TXNL4A: variants seen among roughly 807,000 people sequenced by gnomAD.
TXNL4A encodes the protein thioredoxin like 4A.
Under a neutral mutation model 14.6 loss-of-function variants are expected in TXNL4A, and 17 were observed. The ratio of observed to expected loss-of-function variants is 1.16; its 90% CI spans 0.80 to 1.74. The LOEUF (loss-of-function observed/expected upper bound fraction) is 1.74, where lower values mean the gene tolerates loss of function less well. TXNL4A is among the 40% of genes most tolerant of loss of function. The pLI is 0.00. For synonymous variants in TXNL4A, 83 were observed against 70.6 expected (o/e 1.18, Z -0.88); for missense variants, 74 against 195.2 (o/e 0.38, Z 3.70).
chr18:80,028,259 C>T, intron 1 of TXNL4A, among the ~76,000 whole-genome samples: 1 of 149,258 alleles, frequency 6.7e-6, no homozygotes, highest in Non-Finnish European at 1.5e-5. Context: ...CATGGCCCTT[C>T]TGTACAAGTC....
At chr18:79,995,613 T>C (rs895597783) in intron 1 of TXNL4A, among the ~76,000 whole-genome samples, 5 of 152,188 alleles carry the variant, frequency 3.3e-5, no homozygotes, top group African/African-American at 4.8e-5. Flanking sequence ...ACATGATAAA[T>C]TGGGCCACAG....
At chr18:80,012,921 C>CA (rs2051780090) in intron 1 of TXNL4A, among the ~76,000 whole-genome samples, 1 of 151,964 alleles carries the variant, frequency 6.6e-6, no homozygotes, top group Admixed American at 6.5e-5. Context: ...CGGCCGCCCC[C>CA]TCGCCCGTCA....
At chr18:80,031,916 T>C (rs996948773) in intron 1 of TXNL4A, among the ~76,000 whole-genome samples, 1 of 152,260 alleles carries the variant, frequency 6.6e-6, no homozygotes, top group Non-Finnish European at 1.5e-5. Flanking sequence ...CTAGTGCTTA[T>C]AATAAGAACA....
At chr18:80,031,255 G>T (rs141656788) in intron 1 of TXNL4A, among the ~76,000 whole-genome samples, 144 of 152,290 alleles carry the variant, frequency 9.5e-4, no homozygotes, top group African/African-American at 3.4e-3. Context: ...AGATATATGG[G>T]GTGGACACCT....
At chr18:80,004,125 T>C (rs1477517260) in intron 1 of TXNL4A, among the ~76,000 whole-genome samples, 7 of 68,498 alleles carry the variant, frequency 1.0e-4, no homozygotes, top group Non-Finnish European at 1.8e-4. Flanking sequence ...CACCATAAGC[T>C]ACTTAAAAAA....
chr18:80,008,140 T>C (rs997361419), intron 1 of TXNL4A, among the ~76,000 whole-genome samples: 22 of 152,030 alleles, frequency 1.4e-4, no homozygotes, highest in African/African-American at 5.1e-4. Flanking sequence ...AGATGGAGTC[T>C]TAAAAAAAAA....
Position 79,982,831 on chromosome 18 carries a change from C to T in TXNL4A, c.154-5130G>A, listed in dbSNP as rs999793723. ...CCACCCCATTTTCTTGGTGAAATGG[C>T]ATCTGTGGGGTGACTGGAGGAGCAT... On this transcript the variant is annotated intron_variant, in intron 1 of 2. Coordinates refer to ENST00000269601, the MANE Select transcript of TXNL4A (RefSeq NM_006701.5). The surrounding 1 kb of genome is among the most constrained non-coding windows in gnomAD (Gnocchi z 4.0). Among the ~76,000 whole-genome samples the T allele has an allele frequency of 4.6e-5, 7 of 152,010 alleles. No individual in the cohort carries two copies. The highest frequency in any genetic ancestry group is 1.7e-4 in the African/African-American group (7 of 41,378).
At chr18:79,989,837 A>T (rs186848224), upstream of TXNL4A, among the ~76,000 whole-genome samples, 274 of 152,328 alleles carry the variant, frequency 1.8e-3, 3 homozygotes, top group Admixed American at 0.016. Flanking sequence ...TCTACTAAAA[A>T]TACAAAAAAT....
intron 1 of TXNL4A, among the ~76,000 whole-genome samples, chr18:79,984,104 G>C (rs1369091680): frequency 6.6e-6 from 1 of 151,982 alleles, no homozygotes; most frequent in East Asian, 1.9e-4. Context: ...TTTTTCCAGA[G>C]ACAAAAATCC....
In TXNL4A at chr18:79,977,973, G is replaced by A. The variant is rs762371051; in HGVS notation, c.154-272C>T. The A allele has an allele frequency of 1.6e-4, 62 of 390,256 alleles. No individual in the cohort carries two copies. The Middle Eastern group carries it at 3.5e-3, about 22-fold the overall frequency. 24.2% of individuals were successfully genotyped at this position (390,256 alleles called of 1,614,324 possible). On this transcript the variant is annotated intron_variant, in intron 1 of 2. Coordinates refer to ENST00000269601, the MANE Select transcript of TXNL4A (RefSeq NM_006701.5). ...AGTGAGCCATCACTCCTGGCCAACG[G>A]GGCAATTTTCAAACTAATTCTTCAA... is the stretch of plus-strand genomic sequence containing the variant.
At chr18:80,018,303 A>G (rs1363563902) in intron 1 of TXNL4A, among the ~76,000 whole-genome samples, 1 of 152,224 alleles carries the variant, frequency 6.6e-6, no homozygotes, top group Non-Finnish European at 1.5e-5. Flanking sequence ...CAAAGACACA[A>G]CATACCAGAA....
At chr18:80,026,339 G>A (rs1198066401) in intron 1 of TXNL4A, among the ~76,000 whole-genome samples, 1 of 152,106 alleles carries the variant, frequency 6.6e-6, no homozygotes, top group African/African-American at 2.4e-5. Context: ...TTCCCTCCCA[G>A]TCTGTTGCTG....
chr18:80,020,997 T>G (rs1004526651), intron 1 of TXNL4A, among the ~76,000 whole-genome samples: 28 of 152,196 alleles, frequency 1.8e-4, no homozygotes, highest in African/African-American at 6.8e-4. Context: ...CGTTAGTGCC[T>G]TCTTGAGAAA....
chr18:80,016,992 G>A (rs1435144793), intron 1 of TXNL4A, among the ~76,000 whole-genome samples: 1 of 152,046 alleles, frequency 6.6e-6, no homozygotes, highest in Non-Finnish European at 1.5e-5. Flanking sequence ...TCCTACCCAT[G>A]AGCATGGAAT....
Position 80,015,756 on chromosome 18 carries a change from T to A in TXNL4A, c.-61+18095A>T, listed in dbSNP as rs865894616. On this transcript the variant is annotated intron_variant, in intron 1 of 2. Transcript: ENST00000585474. ...TGTGCCACATTTTCTTAATCCAGTC[T>A]GTCATTGTTGGATATTTGGGTTGGT... 9.4e-4 allele frequency among the ~76,000 whole-genome samples: 142 copies of A among 151,058 alleles called. 1 individual carries two copies. The highest frequency in any genetic ancestry group is 3.4e-3 in the African/African-American group (138 of 41,038).
Position 80,009,012 on chromosome 18 carries a change from C to T in TXNL4A, c.-61+24839G>A, listed in dbSNP as rs895400604. 9.2e-5 allele frequency among the ~76,000 whole-genome samples: 14 copies of T among 151,896 alleles called. No individual in the cohort carries two copies. The East Asian group carries it at 1.4e-3, about 15-fold the overall frequency. ...AGGCTGGTCTCCAGCTCCTAGACCT[C>T]GTGATCCGCCCTCCTCGGCCTCCCA... On this transcript the variant is annotated intron_variant, in intron 1 of 2. Transcript: ENST00000585474.
At chr18:79,989,201 G>A (rs1486375715), upstream of TXNL4A, among the ~76,000 whole-genome samples, 1 of 151,966 alleles carries the variant, frequency 6.6e-6, no homozygotes, top group Non-Finnish European at 1.5e-5. Flanking sequence ...TGCAGCCTCC[G>A]CCTCCCGGGG....
chr18:79,975,048 G>C (rs781200247), intron 2 of TXNL4A, among the ~76,000 whole-genome samples: 1 of 152,316 alleles, frequency 6.6e-6, no homozygotes, highest in Middle Eastern at 3.4e-3. Flanking sequence ...CCATGCTGCA[G>C]GCAGGCCCTA....
intron 1 of TXNL4A, among the ~76,000 whole-genome samples, chr18:80,031,370 T>A (rs1278231753): frequency 6.6e-6 from 1 of 152,210 alleles, no homozygotes; most frequent in Non-Finnish European, 1.5e-5. Flanking sequence ...GTGGGACATA[T>A]TGGCTATGTG....
Sources: gnomAD v4.1 joint callset for allele counts (sites outside exome capture counted in the v4.1 genomes callset) on GRCh38, gnomAD v4.1.1 for gene constraint, Gnocchi (gnomAD v3.1) non-coding constraint, MANE v1.5 for transcripts, NCBI Gene and HGNC (gene_info 2026-07-23, HGNC 2026-07-21) for gene names.